Variants in PLEC observed in about 807,000 individuals in gnomAD.
The protein encoded by PLEC is hemidesmosomal protein 1.
A neutral mutation model predicts 392.8 loss-of-function variants in PLEC; 216 were observed. The ratio of observed to expected loss-of-function variants is 0.55; its 90% CI spans 0.49 to 0.62. The LOEUF is 0.62. PLEC is among the 20% of genes least tolerant of loss of function. The pLI is 0.00. For missense variants in PLEC, 6,863 were observed against 6,563.4 expected, an observed-to-expected ratio of 1.05 and a Z score of -1.58; for synonymous variants, 3,621 against 2,980.6, an observed-to-expected ratio of 1.21 and a Z score of -7.00.
At chr8:143,952,905 G>A (rs1832335316), upstream of PLEC, among the ~76,000 whole-genome samples, 1 of 152,054 alleles carries the variant, frequency 6.6e-6, no homozygotes, top group Non-Finnish European at 1.5e-5. Context: ...CTGCAGGCGG[G>A]AAGGGAAGCC....
chr8:143,973,535 C>A, upstream of PLEC: 3 of 1,166,082 alleles, frequency 2.6e-6, no homozygotes, highest in South Asian at 1.2e-4. The surrounding 1 kb of genome is among the most constrained non-coding windows in gnomAD (Gnocchi z 5.6). Context: ...ACTCTGTCCC[C>A]GCGGCCGCGC....
In PLEC at chr8:143,969,301, C is replaced by T. The variant is rs1441079987; in HGVS notation, c.70+4102G>A. 6.6e-6 allele frequency among the ~76,000 whole-genome samples: 1 copy of T among 152,246 alleles called. No homozygotes were observed. The highest frequency in any genetic ancestry group is 2.4e-5 in the African/African-American group (1 of 41,460). On this transcript the variant is annotated intron_variant, in intron 1 of 31. Transcript: ENST00000356346. The surrounding 1 kb of genome is among the most constrained non-coding windows in gnomAD (Gnocchi z 5.1). ...TAACCATTCCTGTCTGCCTGAGCCC[C>T]TCAGCCCCCCCATTCTCCCTGTCCC...
In PLEC at chr8:143,939,525, T is replaced by C. The variant is rs1830012675; in HGVS notation, c.-64A>G. ...AGGCACGGTGCTCTGGGCAGCCCCGTGTGGCACACAGGCAGCTGAAGGCTG... is the reference window on the plus strand; with the variant it reads ...AGGCACGGTGCTCTGGGCAGCCCCGCGTGGCACACAGGCAGCTGAAGGCTG... On this transcript the variant is annotated 5_prime_UTR_variant, in exon 1 of 32. Coordinates refer to ENST00000345136, the MANE Select transcript of PLEC (RefSeq NM_201384.3). 5 of 1,560,366 alleles carry C rather than the reference T, an allele frequency of 3.2e-6. No homozygotes were observed. In the African/African-American group the frequency reaches 6.8e-5, roughly 21 times the overall value.
At chr8:143,972,155 C>T (rs1833460647) in intron 1 of PLEC, among the ~76,000 whole-genome samples, 1 of 152,226 alleles carries the variant, frequency 6.6e-6, no homozygotes, top group South Asian at 2.1e-4. Context: ...TCAGAAACAG[C>T]TCTGTCCTGG....
In PLEC at chr8:143,934,134, G is replaced by A. The variant is rs782496051; in HGVS notation, c.1170-43C>T. ...GGAAGGGGCCGCGTTGGCCGGGTCC[G>A]GCACAGCCCTGGCCACAGACTGCAG... On this transcript the variant is annotated intron_variant, in intron 11 of 31. Coordinates refer to ENST00000345136, the MANE Select transcript of PLEC (RefSeq NM_201384.3). 87 of 1,600,500 alleles carry A rather than the reference G, an allele frequency of 5.4e-5. 1 individual carries two copies. Among genetic ancestry groups the A allele is most frequent in the Middle Eastern group, 1.6e-4 (1 of 6,074 alleles).
Position 143,918,164 on chromosome 8 carries a change from C to T in PLEC, c.11657G>A (p.Arg3886His), listed in dbSNP as rs368152307. Residue 3886 changes from arginine to histidine, a missense_variant, in exon 32 of 32, where the codon CGT becomes CAT. Transcript: ENST00000345136. The stretch of plus-strand genomic sequence containing the variant: ...CATGGTGATCTGCTTCCGCAGGCCA[C>T]GGAAGGTCAGCTTGCGGGCGTCCGA... ...PLSDARKLTF[R>H]GLRKQITMEE... 1.8e-4 allele frequency: 291 copies of T among 1,596,190 alleles called. 1 individual carries two copies. The highest frequency in any genetic ancestry group is 3.4e-4 in the Middle Eastern group (2 of 5,934).
rs1554676370 is a variant in PLEC, at chr8:143,918,841, G to C, written c.10980C>G (p.Leu3660=). The C allele has an allele frequency of 6.2e-7, 1 of 1,613,080 alleles. No individual in the cohort carries two copies. The highest frequency in any genetic ancestry group is 1.7e-5 in the Admixed American group (1 of 60,032). Residue 3660 remains leucine (L), a synonymous_variant, in exon 32 of 32, where the codon CTC becomes CTG. Coordinates refer to ENST00000345136, the MANE Select transcript of PLEC (RefSeq NM_201384.3). ...CCTCCCGGAGCAGGTTGTAGGTCTC[G>C]AGAGAGATGATCCGAGCCTCGAACA... is the stretch of plus-strand genomic sequence containing the variant. ...EDLFEARIIS[L]ETYNLLREGT...
intron 1 of PLEC, among the ~76,000 whole-genome samples, chr8:143,949,938 C>T (rs561522414): frequency 3.8e-4 from 58 of 152,146 alleles, no homozygotes; most frequent in Admixed American, 2.9e-3. Flanking sequence ...CCGGGGTGTG[C>T]CTGGGCCACA....
In PLEC at chr8:143,922,080, G is replaced by A. The variant is rs782485083; in HGVS notation, c.7741C>T (p.Arg2581Trp). 2.3e-5 allele frequency: 37 copies of A among 1,574,634 alleles called. No homozygotes were observed. The highest frequency in any genetic ancestry group is 6.7e-5 in the African/African-American group (5 of 74,422). Residue 2581 changes from arginine to tryptophan, a missense_variant, in exon 32 of 32, where the codon CGG (arginine) becomes TGG (tryptophan). Physicochemically the swap from Arg to Trp is moderately radical, Grantham distance 101 (BLOSUM62 -3). Coordinates refer to ENST00000345136, the MANE Select transcript of PLEC (RefSeq NM_201384.3). The part of the protein sequence containing the change: ...EELQQLEQQR[R>W]QQEELLAEEN... ...TCAGCCAGCAGCTCCTCCTGCTGCC[G>A]CCGCTGCTGCTCCAGCTGCTGCAGC... is the stretch of plus-strand genomic sequence containing the variant.
rs1554678528 is a variant in PLEC at position 143,919,514 on chromosome 8, T to C, written c.10307A>G (p.Tyr3436Cys). 1 of 1,612,470 alleles carries C rather than the reference T, an allele frequency of 6.2e-7. No homozygotes were observed. The highest frequency in any genetic ancestry group is 1.1e-5 in the South Asian group (1 of 91,082). ...GGTGCTGCCCGAGTAGGGGTCTCTGTAGCCGGTGACGGCCTTCTCGGCAGA... is the reference window on the plus strand; with the variant it reads ...GGTGCTGCCCGAGTAGGGGTCTCTGCAGCCGGTGACGGCCTTCTCGGCAGA... ...LLSAEKAVTG[Y>C]RDPYSGSTIS... is the part of the protein sequence containing the mutation. The change falls in exon 32 of 32, where the codon TAC (tyrosine) becomes TGC (cysteine). Residue 3436 changes from tyrosine to cysteine, a missense_variant. Tyr to Cys is a radical substitution (Grantham distance 194). Coordinates refer to ENST00000345136, the MANE Select transcript of PLEC (RefSeq NM_201384.3).
chr8:143,975,084 C>A (rs927457401), upstream of PLEC: 31 of 1,401,556 alleles, frequency 2.2e-5, no homozygotes, highest in Admixed American at 6.8e-5. The surrounding 1 kb of genome is among the most constrained non-coding windows in gnomAD (Gnocchi z 9.9). Flanking sequence ...AGGCCTCCCC[C>A]ACCCAGTCCC....
chr8:143,928,998 C>G (rs1826195950), intron 25 of PLEC, 105 bp downstream of exon 25: 4 of 1,048,638 alleles, frequency 3.8e-6, no homozygotes, highest in Non-Finnish European at 5.7e-6. Flanking sequence ...GATCTCTGAA[C>G]AGCCCCCAAC....
chr8:143,976,334 A>G (rs1402252515), upstream of PLEC, among the ~76,000 whole-genome samples: 1 of 151,972 alleles, frequency 6.6e-6, no homozygotes, highest in African/African-American at 2.4e-5. Context: ...GCGGGGGCAC[A>G]ATGTGGGCTC....
At chr8:143,950,805 G>A in exon 1 of PLEC, 1 of 1,511,456 alleles carries the variant, frequency 6.6e-7, no homozygotes, top group South Asian at 1.2e-5. Context: ...GCTACAGGGT[G>A]TGACAGCGGG....
upstream of PLEC, among the ~76,000 whole-genome samples, chr8:143,956,098 C>T (rs1832578743): frequency 6.6e-6 from 1 of 152,018 alleles, no homozygotes; most frequent in Non-Finnish European, 1.5e-5. Flanking sequence ...CGGATGTGTG[C>T]CACCGCACCG....
At position 143,932,049 on chromosome 8, in the gene PLEC, C is replaced by T. The variant is rs782270387; in HGVS notation, c.2083-17G>A. The stretch of plus-strand genomic sequence containing the variant: ...CTGGAAGGACTGCGGGACAGCAGGT[C>T]CCGGTCAGGCCCCGCCCCGCCCCGC... On this transcript the variant is annotated splice_polypyrimidine_tract_variant and intron_variant, in intron 17 of 31. Transcript: ENST00000345136. The T allele has an allele frequency of 3.2e-6, 5 of 1,566,746 alleles. No individual in the cohort carries two copies. The highest frequency in any genetic ancestry group is 2.3e-5 in the East Asian group (1 of 42,942).
chr8:143,945,342 C>G (rs1831302176), intron 1 of PLEC: 10 of 374,574 alleles, frequency 2.7e-5, no homozygotes, highest in South Asian at 2.0e-4. Flanking sequence ...ACTGGCCTGG[C>G]TCCACCCAGG....
At position 143,935,851 on chromosome 8, in the gene PLEC, T is replaced by C. The variant is rs1348737696; in HGVS notation, c.599A>G (p.His200Arg). 15 of 1,612,718 alleles carry C rather than the reference T, an allele frequency of 9.3e-6. No homozygotes were observed. Among genetic ancestry groups the C allele is most frequent in the Non-Finnish European group, 1.3e-5 (15 of 1,179,956 alleles). The stretch of plus-strand genomic sequence containing the variant: ...CCCTGCCCCCGGGGCCATGTACTTG[T>C]GCCGGTGGATGATGGCATTGAAGAG... ...GRLFNAIIHRHKPLLIDMNKV... is the reference protein window; with the variant it reads ...GRLFNAIIHRRKPLLIDMNKV... Residue 200 changes from histidine to arginine, a missense_variant, in exon 6 of 32, where the codon CAC (histidine) becomes CGC (arginine). Physicochemically the swap from His to Arg is conservative, Grantham distance 29. Coordinates refer to ENST00000345136, the MANE Select transcript of PLEC (RefSeq NM_201384.3).
At chr8:143,953,695 C>A, upstream of PLEC, 1 of 1,604,464 alleles carries the variant, frequency 6.2e-7, no homozygotes. Flanking sequence ...GGTCCGCGCC[C>A]CCCGGCTCGG....
Sources: gnomAD v4.1 joint callset for allele counts (sites outside exome capture counted in the v4.1 genomes callset) on GRCh38, gnomAD v4.1.1 for gene constraint, Gnocchi (gnomAD v3.1) non-coding constraint, MANE v1.5 for transcripts, NCBI Gene and HGNC (gene_info 2026-07-23, HGNC 2026-07-21) for gene names.